Variants in PSD4 observed in about 807,000 individuals in gnomAD.
The protein encoded by PSD4 is pleckstrin and Sec7 domain containing 4.
In PSD4, 59 loss-of-function variants were observed where a neutral mutation model predicts 112.5. The observed-to-expected ratio is 0.52, with a 90% CI of 0.43 to 0.65. The LOEUF (loss-of-function observed/expected upper bound fraction) is 0.65. Among genes scored for constraint, PSD4 ranks in the 30% least tolerant of loss-of-function variants. PSD4 has a pLI of 0.00. For missense variants in PSD4, 1,267 were observed against 1,352.6 expected (o/e 0.94, Z 0.99); for synonymous variants, 533 against 540.0 (o/e 0.99, Z 0.18).
intron 5 of PSD4, among the ~76,000 whole-genome samples, chr2:113,187,492 C>T (rs560047520): frequency 6.6e-6 from 1 of 152,198 alleles, no homozygotes; most frequent in East Asian, 1.9e-4. Context: ...TCAGCCTCTC[C>T]CTTCCCCCAC....
At chr2:113,185,737 G>A in intron 4 of PSD4, 140 bp from the exon 5 acceptor site, 9 of 1,549,666 alleles carry the variant, frequency 5.8e-6, no homozygotes, top group Non-Finnish European at 6.1e-6. Context: ...GCAAGTGGGA[G>A]AGGTCACTGC....
chr2:113,179,945 C>T (rs1371126966), intron 1 of PSD4, among the ~76,000 whole-genome samples: 1 of 152,106 alleles, frequency 6.6e-6, no homozygotes, highest in Admixed American at 6.5e-5. Flanking sequence ...TATTCTAAAA[C>T]AGGAATGCAA....
chr2:113,195,877 C>T, intron 11 of PSD4, 107 bp downstream of exon 11: 1 of 1,471,272 alleles, frequency 6.8e-7, no homozygotes, highest in South Asian at 1.2e-5. Flanking sequence ...GATAGTGCTC[C>T]CCTTGGAGTG....
chr2:113,176,785 G>A (rs1687992809), intron 1 of PSD4, among the ~76,000 whole-genome samples: 1 of 152,208 alleles, frequency 6.6e-6, no homozygotes, highest in African/African-American at 2.4e-5. Context: ...GTAAGACCTG[G>A]GCTCTGCTGC....
rs766628573 is a variant in PSD4 at position 113,192,355 on chromosome 2, A to G, written c.1629-25A>G. ...ACTGACCTGCAAGAACACTTGACCC[A>G]GAGCTCCTGCATGTCTATCTCAAGT... On this transcript the variant is annotated intron_variant, in intron 5 of 16. Coordinates refer to ENST00000245796, the MANE Select transcript of PSD4 (RefSeq NM_012455.3). The G allele has an allele frequency of 5.6e-6, 9 of 1,609,140 alleles. No homozygotes were observed. In the East Asian group the frequency reaches 2.0e-4, roughly 36 times the overall value.
chr2:113,201,204 A>G lies in PSD4; in HGVS notation c.2960A>G (p.His987Arg), dbSNP rs201131983. Reference protein sequence around the residue: ...TYVQLLVARLHCPSDALDLWE... With the variant: ...TYVQLLVARLRCPSDALDLWE... ...GTGCAGCTGCTGGTGGCCCGCCTGC[A>G]CTGCCCCTCTGATGCTCTGGACCTG... The change falls in exon 17 of 17, where the codon CAC becomes CGC. Residue 987 changes from histidine (H) to arginine (R), a missense_variant. By Grantham distance (29) the His-to-Arg change is conservative. Around this residue, in one of 2 missense-constraint regions of PSD4, gnomAD observed 544 missense variants for 648.6 expected, o/e 0.84. Transcript: ENST00000245796. 1.2e-4 allele frequency: 199 copies of G among 1,613,992 alleles called. No homozygotes were observed. The highest frequency in any genetic ancestry group is 1.5e-4 in the Non-Finnish European group (177 of 1,179,948).
In PSD4 at chr2:113,184,985, C is replaced by T. The variant is rs746665528; in HGVS notation, c.1085C>T (p.Ala362Val). Residue 362 changes from alanine to valine, a missense_variant, in exon 3 of 17, where the codon GCA becomes GTA. Ala to Val is a moderately conservative substitution (Grantham distance 64). Coordinates refer to ENST00000245796, the MANE Select transcript of PSD4 (RefSeq NM_012455.3). ...EGDRLGPAPS[A>V]APCVDEALTW... The stretch of plus-strand genomic sequence containing the variant: ...GATAGGCTTGGTCCTGCTCCATCTG[C>T]AGCACCGTGTGTGGACGAAGCATTG... 2.5e-6 allele frequency: 4 copies of T among 1,614,238 alleles called. No homozygotes were observed. In the East Asian group the frequency reaches 8.9e-5, roughly 36 times the overall value.
intron 2 of PSD4, among the ~76,000 whole-genome samples, chr2:113,184,172 T>C (rs1217118189): frequency 6.6e-6 from 1 of 151,840 alleles, no homozygotes; most frequent in Non-Finnish European, 1.5e-5. Context: ...TATGGTAGAG[T>C]GTGGCTGTAA....
In PSD4 at chr2:113,174,022, A is replaced by C. The variant is rs936618871; in HGVS notation, c.-144A>C. ...GCCAGGAAGTGCTCTTGGGGAGCCCAGGCCAAGCCATCCATTCTTGGGTCC... is the reference window on the plus strand; with the variant it reads ...GCCAGGAAGTGCTCTTGGGGAGCCCCGGCCAAGCCATCCATTCTTGGGTCC... On this transcript the variant is annotated 5_prime_UTR_variant, in exon 1 of 17. Transcript: ENST00000245796. 6.6e-6 allele frequency: 1 copy of C among 152,500 alleles called. No individual in the cohort carries two copies. Among genetic ancestry groups the C allele is most frequent in the Non-Finnish European group, 1.5e-5 (1 of 68,238 alleles). The allele number at this position is 152,500 out of a possible 1,614,324, so 9.4% of individuals were successfully genotyped here. A position where few individuals can be genotyped will look rare whatever the true frequency, so the allele number is the denominator to read the frequency against.
intron 3 of PSD4, 97 bp from the exon 4 acceptor site, chr2:113,185,268 C>G (rs1022652526): frequency 4.0e-5 from 63 of 1,561,920 alleles, no homozygotes; most frequent in Non-Finnish European, 4.6e-5. Context: ...GGCATCCTTC[C>G]CCTCCCCTCC....
At position 113,202,003 on chromosome 2, in the gene PSD4, C is replaced by T. The variant is rs1688789374; in HGVS notation, c.*588C>T. The T allele has an allele frequency of 4.6e-5, 7 of 153,670 alleles. No individual in the cohort carries two copies. Among genetic ancestry groups the T allele is most frequent in the Admixed American group, 4.5e-4 (7 of 15,500 alleles). 9.5% of individuals were successfully genotyped at this position (153,670 alleles called of 1,614,324 possible). On this transcript the variant is annotated 3_prime_UTR_variant, in exon 17 of 17. Transcript: ENST00000245796. ...GGAGCAGGGTCGCTAAGGTCCTGCCCACTGAGGGGACAGCCTTCTGGGCAG... is the reference window on the plus strand; with the variant it reads ...GGAGCAGGGTCGCTAAGGTCCTGCCTACTGAGGGGACAGCCTTCTGGGCAG...
intron 1 of PSD4, among the ~76,000 whole-genome samples, chr2:113,180,159 T>C (rs901534848): frequency 1.3e-5 from 2 of 152,224 alleles, no homozygotes; most frequent in Admixed American, 1.3e-4. Flanking sequence ...CCCCTGACCT[T>C]CGTGAGAGAG....
intron 11 of PSD4, 77 bp downstream of exon 11, chr2:113,195,847 C>A: frequency 6.3e-7 from 1 of 1,574,924 alleles, no homozygotes; most frequent in Non-Finnish European, 8.7e-7. Context: ...TGTCACCCAC[C>A]CGAGAGTTAG....
intron 5 of PSD4, among the ~76,000 whole-genome samples, chr2:113,187,556 C>G (rs1688333676): frequency 6.6e-6 from 1 of 152,184 alleles, no homozygotes; most frequent in African/African-American, 2.4e-5. Context: ...CCAGTGTGAA[C>G]AGGTCCGGGT....
At chr2:113,197,688 A>T in intron 13 of PSD4, 54 bp downstream of exon 13, 1 of 1,612,972 alleles carries the variant, frequency 6.2e-7, no homozygotes, top group Non-Finnish European at 8.5e-7. Context: ...GAGGCCCAGA[A>T]CAGTCTGGAG....
In PSD4 at chr2:113,183,291, A is replaced by T. The variant is rs769137359; in HGVS notation, c.835A>T (p.Thr279Ser). ...GASDSHAGVRTGPESPATLEP... is the reference protein window; with the variant it reads ...GASDSHAGVRSGPESPATLEP... ...TTCAGACTCCCATGCAGGTGTGAGGACTGGACCTGAGAGCCCAGCGACTCT... is the reference window on the plus strand; with the variant it reads ...TTCAGACTCCCATGCAGGTGTGAGGTCTGGACCTGAGAGCCCAGCGACTCT... The change falls in exon 2 of 17, where the codon ACT becomes TCT. Residue 279 changes from threonine to serine, a missense_variant. Transcript: ENST00000245796. 1 of 1,613,614 alleles carries T rather than the reference A, an allele frequency of 6.2e-7. No homozygotes were observed. The highest frequency in any genetic ancestry group is 8.5e-7 in the Non-Finnish European group (1 of 1,179,692).
At chr2:113,176,299 C>T (rs977791686) in intron 1 of PSD4, among the ~76,000 whole-genome samples, 2 of 152,166 alleles carry the variant, frequency 1.3e-5, no homozygotes, top group African/African-American at 2.4e-5. Flanking sequence ...GCCTTGAAGC[C>T]GGGGGTGGGG....
At chr2:113,199,262 G>C in intron 16 of PSD4, 36 bp downstream of exon 16, 1 of 1,423,446 alleles carries the variant, frequency 7.0e-7, no homozygotes, top group Non-Finnish European at 9.1e-7. Flanking sequence ...CCGCTGCGCA[G>C]CGCCCTCTCC....
At chr2:113,182,127 G>A (rs2104494048) in intron 1 of PSD4, among the ~76,000 whole-genome samples, 1 of 152,362 alleles carries the variant, frequency 6.6e-6, no homozygotes. Flanking sequence ...ACAGATGGGT[G>A]TCTTTGGGGC....
Sources: allele counts gnomAD v4.1 joint callset (sites outside exome capture counted in the v4.1 genomes callset), GRCh38; gene constraint gnomAD v4.1.1; regional missense constraint gnomAD v4.1.1; transcripts MANE v1.5; gene names NCBI Gene and HGNC (gene_info 2026-07-23, HGNC 2026-07-21).